The following HABP2 variants were observed in gnomAD, a reference collection of about 807,000 sequenced individuals.
The protein encoded by HABP2 is factor VII-activating protease.
A neutral mutation model predicts 66.5 loss-of-function variants in HABP2; 65 were observed. That is an observed-to-expected ratio of 0.98 (90% CI 0.80 to 1.20). The LOEUF is 1.20. Ranked by LOEUF, HABP2 falls within the 50% of genes most tolerant of loss-of-function variation. The pLI is 0.00. For synonymous variants in HABP2, 263 were observed against 253.9 expected, an observed-to-expected ratio of 1.04 and a Z score of -0.34; for missense variants, 786 against 691.0, an observed-to-expected ratio of 1.14 and a Z score of -1.54.
chr10:113,587,272 G>A (rs932534303), intron 12 of HABP2, among the ~76,000 whole-genome samples: 13 of 152,154 alleles, frequency 8.5e-5, no homozygotes, highest in African/African-American at 3.1e-4. Flanking sequence ...AGCCAAGAGG[G>A]TGCCACTGCA....
chr10:113,575,499 A>C (rs184695288), intron 3 of HABP2, among the ~76,000 whole-genome samples: 172 of 152,222 alleles, frequency 1.1e-3, no homozygotes, highest in South Asian at 2.5e-3. Context: ...ACCCCTGGGC[A>C]CTGGAAGTAG....
At chr10:113,583,098 T>G in intron 9 of HABP2, 118 bp from the exon 10 acceptor site, 3 of 788,158 alleles carry the variant, frequency 3.8e-6, no homozygotes, top group Admixed American at 5.1e-5. Flanking sequence ...AGCAGAGTTC[T>G]GTGAGTGAGA....
intron 12 of HABP2, 83 bp downstream of exon 12, chr10:113,586,021 G>A (rs1475846697): frequency 3.1e-6 from 4 of 1,277,422 alleles, no homozygotes; most frequent in Non-Finnish European, 4.5e-6. Context: ...GCCCTGGGCT[G>A]GGAGCTAGGT....
chr10:113,565,332 T>A (rs776077986), intron 1 of HABP2, among the ~76,000 whole-genome samples: 102 of 151,764 alleles, frequency 6.7e-4, no homozygotes, highest in Non-Finnish European at 1.1e-3. Context: ...GTATTTTTTT[T>A]AAAAAAGAGG....
rs1176657274 is a variant in HABP2, at chr10:113,582,234, G to T, written c.1094+103G>T. The T allele has an allele frequency of 2.9e-5, 34 of 1,179,516 alleles. No individual in the cohort carries two copies. In the East Asian group the frequency reaches 4.0e-4, roughly 14 times the overall value. 73.1% of individuals were successfully genotyped at this position (1,179,516 alleles called of 1,614,324 possible). A position where few individuals can be genotyped will look rare whatever the true frequency, so the allele number is the denominator to read the frequency against. On this transcript the variant is annotated intron_variant, in intron 9 of 12. Transcript: ENST00000351270. ...TTTGTAGCTCTGTCAGGATTAGGGGGTCTGATCTGTTCAAGGGCAAAAGAA... is the reference window on the plus strand; with the variant it reads ...TTTGTAGCTCTGTCAGGATTAGGGGTTCTGATCTGTTCAAGGGCAAAAGAA...
At chr10:113,583,549 A>G (rs866812035) in intron 10 of HABP2, among the ~76,000 whole-genome samples, 191 bp downstream of exon 10, 9 of 152,188 alleles carry the variant, frequency 5.9e-5, no homozygotes, top group Non-Finnish European at 1.0e-4. Flanking sequence ...AAATGGGCAT[A>G]TGCTCTTAAA....
intron 4 of HABP2, among the ~76,000 whole-genome samples, chr10:113,576,339 A>G (rs1845408824): frequency 6.6e-6 from 1 of 152,178 alleles, no homozygotes; most frequent in African/African-American, 2.4e-5. Context: ...CAAATGGGAG[A>G]GCAGGGAGGA....
Position 113,588,388 on chromosome 10 carries a change from T to A in HABP2, c.*19T>A, listed in dbSNP as rs780137775. 4 of 1,594,398 alleles carry A rather than the reference T, an allele frequency of 2.5e-6. No individual in the cohort carries two copies. The South Asian group carries it at 3.4e-5, about 14-fold the overall frequency. ...CTTCTAAGGTACTGTCTTCTGGACC[T>A]CAGAGCCCACTCTCCTTGGCACCCT... On this transcript the variant is annotated 3_prime_UTR_variant, in exon 13 of 13. Transcript: ENST00000351270.
chr10:113,582,522 C>T lies in HABP2; in HGVS notation c.1094+391C>T, dbSNP rs73354003. Among the ~76,000 whole-genome samples, 34 of 152,200 alleles carry T rather than the reference C, an allele frequency of 2.2e-4. 1 individual carries two copies. The highest frequency in any genetic ancestry group is 4.6e-4 in the African/African-American group (19 of 41,530). ...TTTTGTAAGTGAGGATCTTGAATCC[C>T]GGGATTCTTCCTTTACCTTGCCTGA... On this transcript the variant is annotated intron_variant, in intron 9 of 12. Transcript: ENST00000351270.
chr10:113,584,277 A>G lies in HABP2; in HGVS notation c.1367A>G (p.Glu456Gly), dbSNP rs554917785. 2.3e-5 allele frequency: 37 copies of G among 1,614,050 alleles called. No individual in the cohort carries two copies. In the East Asian group the frequency reaches 7.6e-4, roughly 33 times the overall value. The change falls in exon 11 of 13, where the codon GAA becomes GGA. Residue 456 changes from glutamate (E) to glycine (G), a missense_variant. Coordinates refer to ENST00000351270, the MANE Select transcript of HABP2 (RefSeq NM_004132.5). ...ECHISGWGVTETGKGSRQLLD... is the reference protein window; with the variant it reads ...ECHISGWGVTGTGKGSRQLLD... ...CACATCTCTGGCTGGGGTGTTACAG[A>G]AACAGGTGAGTCGGCCATGCACTCT...
intron 3 of HABP2, 29 bp downstream of exon 3, chr10:113,574,434 T>C: frequency 9.0e-7 from 1 of 1,116,578 alleles, no homozygotes; most frequent in Non-Finnish European, 1.4e-6. Flanking sequence ...TCAGGGACTC[T>C]CCTGGGAGAA....
chr10:113,581,646 A>G (rs1845534189), intron 8 of HABP2, among the ~76,000 whole-genome samples: 9 of 152,228 alleles, frequency 5.9e-5, no homozygotes. Flanking sequence ...TTTGAAATGG[A>G]CAAGAAAAAA....
At chr10:113,564,040 G>C (rs11196377) in intron 1 of HABP2, among the ~76,000 whole-genome samples, 24,893 of 152,002 alleles carry the variant, frequency 0.16, 2,864 homozygotes, top group East Asian at 0.46. Context: ...ACCCAAGACT[G>C]GGTAATTTAT....
chr10:113,565,677 C>T (rs1312945931), intron 1 of HABP2, among the ~76,000 whole-genome samples: 2 of 152,186 alleles, frequency 1.3e-5, no homozygotes, highest in African/African-American at 4.8e-5. Flanking sequence ...GACAAATATC[C>T]AAGTCAGCCC....
Position 113,588,754 on chromosome 10 carries a change from A to T in HABP2, c.*385A>T. On this transcript the variant is annotated 3_prime_UTR_variant, in exon 13 of 13. Coordinates refer to ENST00000351270, the MANE Select transcript of HABP2 (RefSeq NM_004132.5). ...ATCACATCTTTATTCCTCAGCCCAG[A>T]CACTCGAGGCACTCAACAGAATCAG... 1 of 567,886 alleles carries T rather than the reference A, an allele frequency of 1.8e-6. No individual in the cohort carries two copies. The allele number at this position is 567,886 out of a possible 1,614,324, so 35.2% of individuals were successfully genotyped here. A position where few individuals can be genotyped will look rare whatever the true frequency, so the allele number is the denominator to read the frequency against.
At position 113,589,305 on chromosome 10, in the gene HABP2, G is replaced by A. The variant is rs1564686642; in HGVS notation, c.*936G>A. On this transcript the variant is annotated 3_prime_UTR_variant, in exon 13 of 13. Transcript: ENST00000351270. ...ACCTGGCTTCTTTCTTCTGAACAAA[G>A]TAGGGTTCAAAATGCAGACTGTCAT... 6.9e-6 allele frequency: 4 copies of A among 580,068 alleles called. No homozygotes were observed. Among genetic ancestry groups the A allele is most frequent in the Non-Finnish European group, 1.2e-5 (4 of 328,544 alleles). The allele number at this position is 580,068 out of a possible 1,614,324, so 35.9% of individuals were successfully genotyped here. A position where few individuals can be genotyped will look rare whatever the true frequency, so the allele number is the denominator to read the frequency against.
intron 8 of HABP2, among the ~76,000 whole-genome samples, chr10:113,580,987 A>G (rs565443825): frequency 6.6e-6 from 1 of 152,286 alleles, no homozygotes; most frequent in South Asian, 2.1e-4. Flanking sequence ...GCCAGCCACT[A>G]TGCTGGGCAC....
At chr10:113,584,016 GGAA>G in intron 10 of HABP2, 129 bp from the exon 11 acceptor site, 1 of 680,330 alleles carries the variant, frequency 1.5e-6, no homozygotes, top group Non-Finnish European at 2.6e-6. Context: ...AAATGACCAC[GGAA>G]GAAGATTTTC....
In HABP2 at chr10:113,581,977, A is replaced by T. The variant is rs758132092; in HGVS notation, c.940A>T (p.Ile314Phe). ...GATAGCAGAGAGGAAGATCAAGAGA[A>T]TCTATGGAGGCTTTAAGAGCACGGC... ...TEIAERKIKRIYGGFKSTAGK... is the reference protein window; with the variant it reads ...TEIAERKIKRFYGGFKSTAGK... Residue 314 changes from isoleucine to phenylalanine, a missense_variant, in exon 9 of 13, where the codon ATC becomes TTC. Coordinates refer to ENST00000351270, the MANE Select transcript of HABP2 (RefSeq NM_004132.5). 4.3e-6 allele frequency: 7 copies of T among 1,614,220 alleles called. No homozygotes were observed. The highest frequency in any genetic ancestry group is 5.9e-6 in the Non-Finnish European group (7 of 1,180,020).
Sources: gnomAD v4.1 joint callset for allele counts (sites outside exome capture counted in the v4.1 genomes callset) on GRCh38, gnomAD v4.1.1 for gene constraint, MANE v1.5 for transcripts, NCBI Gene and HGNC (gene_info 2026-07-23, HGNC 2026-07-21) for gene names.